Variants in PFKP observed in about 807,000 individuals in gnomAD.
PFKP encodes ATP-dependent 6-phosphofructokinase, platelet type.
In PFKP, 101 loss-of-function variants were observed where a neutral mutation model predicts 94.3. The observed-to-expected ratio is 1.07, with a 90% CI of 0.91 to 1.26. The LOEUF is 1.26. Among genes scored for constraint, PFKP ranks in the 50% most tolerant of loss-of-function variants. The pLI is 0.00. For missense variants in PFKP, 1,145 were observed against 1,103.3 expected (o/e 1.04, Z -0.53); for synonymous variants, 573 against 432.6 (o/e 1.32, Z -4.03).
At chr10:3,113,028 G>C in intron 11 of PFKP, 91 bp from the exon 12 acceptor site, 1 of 1,129,766 alleles carries the variant, frequency 8.9e-7, no homozygotes, top group Non-Finnish European at 1.3e-6. Context: ...GACACATTGA[G>C]TGCTGGCAGA....
chr10:3,109,512 C>T lies in PFKP; in HGVS notation c.1089+32C>T, dbSNP rs78296009. ...GGGCAGCCCATGGCCAAGGGCAGGG[C>T]GGAGACGGCTGGGACAGAAGCTGCT... On this transcript the variant is annotated intron_variant, in intron 10 of 21. Coordinates refer to ENST00000381125, the MANE Select transcript of PFKP (RefSeq NM_002627.5). The T allele has an allele frequency of 4.8e-5, 76 of 1,595,124 alleles. No homozygotes were observed. In the African/African-American group the frequency reaches 6.5e-4, roughly 14 times the overall value.
intron 13 of PFKP, among the ~76,000 whole-genome samples, chr10:3,114,617 C>T (rs1836607091): frequency 6.6e-6 from 1 of 152,214 alleles, no homozygotes; most frequent in Non-Finnish European, 1.5e-5. Flanking sequence ...CCGAGGAGGG[C>T]CTGCTGGAGA....
At position 3,087,984 on chromosome 10, in the gene PFKP, C is replaced by CTTTTTTTTTTTTTTT. The variant is rs1224829610; in HGVS notation, c.186+5531_186+5545dup. Reference sequence around the variant, plus strand: ...ATATAAAAATCCTGTATCTTTCATTCTTTTTTTTTTTTTTTTTTTTTTACA... The same window carrying CTTTTTTTTTTTTTTT: ...ATATAAAAATCCTGTATCTTTCATTCTTTTTTTTTTTTTTTTTTTTTTTTTTTTTTTTTTTTTACA... On this transcript the variant is annotated intron_variant, in intron 2 of 21. Coordinates refer to ENST00000381125, the MANE Select transcript of PFKP (RefSeq NM_002627.5). 2.2e-4 allele frequency among the ~76,000 whole-genome samples: 21 copies of CTTTTTTTTTTTTTTT among 96,580 alleles called. 1 individual carries two copies. The highest frequency in any genetic ancestry group is 3.1e-4 in the African/African-American group (8 of 25,522). The allele number at this position is 96,580 out of a possible 152,430, so 63.4% of individuals were successfully genotyped here.
chr10:3,082,719 TTTTTC>T (rs1833185215), intron 2 of PFKP, among the ~76,000 whole-genome samples: 1 of 152,124 alleles, frequency 6.6e-6, no homozygotes, highest in Non-Finnish European at 1.5e-5. Context: ...GCCATTTTCT[TTTTTC>T]TTTTTTTTCT....
intron 3 of PFKP, 86 bp from the exon 4 acceptor site, chr10:3,101,279 C>T: frequency 9.2e-7 from 1 of 1,090,370 alleles, no homozygotes; most frequent in African/African-American, 1.6e-5. Flanking sequence ...ATTCTAGCAC[C>T]CCATGTTTAT....
intron 14 of PFKP, 46 bp from the exon 15 acceptor site, chr10:3,118,736 T>G: frequency 5.0e-5 from 70 of 1,409,600 alleles, no homozygotes; most frequent in Non-Finnish European, 6.4e-5. Context: ...GCGGACCGCG[T>G]GGAGTTTGGG....
intron 3 of PFKP, chr10:3,101,125 C>A: frequency 1.2e-6 from 1 of 849,584 alleles, no homozygotes; most frequent in Non-Finnish European, 1.9e-6. Flanking sequence ...TGCCGTGTGT[C>A]TGGCTCTGCA....
rs71294492 is a variant in PFKP, at chr10:3,100,862, CAAAAAAAA to C, written c.265-490_265-483del. ...TAAAAGGGGCAGCGAGTATGTGGTG[CAAAAAAAA>C]AAAAAAAAAAAATCCCCCTGGCCCC... On this transcript the variant is annotated intron_variant, in intron 3 of 21. Transcript: ENST00000381125. 7.2e-3 allele frequency: 4,748 copies of C among 657,162 alleles called. 229 individuals are homozygous for C. In the African/African-American group the frequency reaches 0.1, roughly 14 times the overall value. 40.7% of individuals were successfully genotyped at this position (657,162 alleles called of 1,614,324 possible).
At chr10:3,092,409 G>A (rs896859777) in intron 2 of PFKP, among the ~76,000 whole-genome samples, 1 of 152,174 alleles carries the variant, frequency 6.6e-6, no homozygotes, top group African/African-American at 2.4e-5. Context: ...ATGCAGAGAG[G>A]TGGATGGGTG....
intron 5 of PFKP, among the ~76,000 whole-genome samples, chr10:3,104,540 C>T (rs1275306549): frequency 1.3e-5 from 2 of 152,210 alleles, no homozygotes; most frequent in Non-Finnish European, 2.9e-5. Context: ...CCTCCCAGTC[C>T]TCTGTGTGCG....
intron 1 of PFKP, among the ~76,000 whole-genome samples, chr10:3,077,818 C>A (rs921047553): frequency 6.6e-6 from 1 of 152,120 alleles, no homozygotes; most frequent in Non-Finnish European, 1.5e-5. Context: ...ATGAAGAAAG[C>A]GATTTAATAA....
intron 2 of PFKP, among the ~76,000 whole-genome samples, chr10:3,096,267 G>C (rs1439349675): frequency 6.6e-6 from 1 of 152,136 alleles, no homozygotes; most frequent in Non-Finnish European, 1.5e-5. Context: ...GCCGTTAGGG[G>C]TGCATGGTTG....
intron 2 of PFKP, among the ~76,000 whole-genome samples, chr10:3,095,745 C>T (rs912654321): frequency 1.3e-5 from 2 of 152,182 alleles, no homozygotes; most frequent in African/African-American, 4.8e-5. Context: ...CGTTGTAGTA[C>T]GTTTGGGCAA....
At chr10:3,081,363 TTTA>T (rs776739057) in intron 1 of PFKP, among the ~76,000 whole-genome samples, 1 of 152,216 alleles carries the variant, frequency 6.6e-6, no homozygotes, top group Non-Finnish European at 1.5e-5. Context: ...TCATTTGTGG[TTTA>T]TTGACTGGAA....
At chr10:3,132,290 T>C (rs1838682753) in intron 17 of PFKP, 90 bp from the exon 18 acceptor site, 2 of 904,266 alleles carry the variant, frequency 2.2e-6, no homozygotes, top group Middle Eastern at 2.5e-4. Context: ...ACTGCCACAC[T>C]TGGTTGGCAC....
chr10:3,101,326 CAGACTG>C (rs1834973204), intron 3 of PFKP, 33 bp from the exon 4 acceptor site: 1 of 1,530,184 alleles, frequency 6.5e-7, no homozygotes, highest in Non-Finnish European at 8.8e-7. Context: ...GGCGCTCTCT[CAGACTG>C]AGAGGAGATA....
At position 3,099,280 on chromosome 10, in the gene PFKP, C is replaced by G; in HGVS notation, c.192C>G (p.Tyr64Ter). The G allele has an allele frequency of 1.9e-6, 3 of 1,613,290 alleles. No individual in the cohort carries two copies. The highest frequency in any genetic ancestry group is 1.7e-6 in the Non-Finnish European group (2 of 1,179,202). ...ATTCTCCCTTTCTCCCCTAGGGCTA[C>G]CAGGGCATGGTGGACGGAGGCTCAA... ...GAKVYFIYEGYQGMVDGGSNI... is the reference protein window; with the variant it reads ...GAKVYFIYEG Residue 64 changes from tyrosine (Y) to a stop codon, truncating the protein, a stop_gained, in exon 3 of 22, where the codon TAC becomes TAG. Transcript: ENST00000381125. LOFTEE classifies it high-confidence loss of function.
chr10:3,079,640 A>C (rs1832874342), intron 1 of PFKP, among the ~76,000 whole-genome samples: 1 of 80,108 alleles, frequency 1.2e-5, no homozygotes. Context: ...ACCGGTGGGA[A>C]CGAGGTCTTC....
chr10:3,103,794 A>G lies in PFKP; in HGVS notation c.470A>G (p.Glu157Gly). ...ELARNGQIDK[E>G]AVQKYAYLNV... ...CCCCGCGCAGGCCAGATCGATAAGG[A>G]GGCCGTGCAGAAGTACGCCTACCTC... Residue 157 changes from glutamate (E) to glycine (G), a missense_variant, in exon 5 of 22, where the codon GAG becomes GGG. Physicochemically the swap from Glu to Gly is moderately conservative, Grantham distance 98. Around this residue, in one of 3 missense-constraint regions of PFKP, gnomAD observed 1,119 missense variants for 1,062.8 expected, o/e 1.05. Transcript: ENST00000381125. 1 of 1,613,872 alleles carries G rather than the reference A, an allele frequency of 6.2e-7. No individual in the cohort carries two copies. The highest frequency in any genetic ancestry group is 8.5e-7 in the Non-Finnish European group (1 of 1,180,020).
Sources: gnomAD v4.1 joint callset for allele counts (sites outside exome capture counted in the v4.1 genomes callset) on GRCh38, gnomAD v4.1.1 for gene constraint, gnomAD v4.1.1 regional missense constraint, MANE v1.5 for transcripts, NCBI Gene and HGNC (gene_info 2026-07-23, HGNC 2026-07-21) for gene names.